Variants in SRPK2 observed in about 807,000 individuals in gnomAD.
The protein encoded by SRPK2 is SRSF protein kinase 2, also known as SFRS protein kinase 2.
In SRPK2, 21 loss-of-function variants were observed where a neutral mutation model predicts 90.8. That is an observed-to-expected ratio of 0.23 (90% CI 0.16 to 0.33). The LOEUF (loss-of-function observed/expected upper bound fraction) is 0.33. Among genes scored for constraint, SRPK2 ranks in the 10% least tolerant of loss-of-function variants. The pLI is 1.00. For synonymous variants in SRPK2, 288 were observed against 311.1 expected (o/e 0.93, Z 0.78); for missense variants, 620 against 869.0 (o/e 0.71, Z 3.60).
rs746321858 is a variant in SRPK2 at position 105,387,039 on chromosome 7, T to C, written c.71+1609A>G. 1.2e-4 allele frequency among the ~76,000 whole-genome samples: 19 copies of C among 152,202 alleles called. 1 individual carries two copies. The highest frequency in any genetic ancestry group is 2.4e-4 in the Non-Finnish European group (16 of 68,034). On this transcript the variant is annotated intron_variant, in intron 2 of 15. Transcript: ENST00000393651. ...GACCATTAGGAAAATCATACTCTAA[T>C]ATATGCAAATACAAGACACATATTG...
At chr7:105,258,343 G>A (rs1405722156) in intron 2 of SRPK2, among the ~76,000 whole-genome samples, 1 of 150,184 alleles carries the variant, frequency 6.7e-6, no homozygotes, top group African/African-American at 2.5e-5. Flanking sequence ...CTTGAACCCG[G>A]GAGGCAGAGG....
chr7:105,130,694 A>T (rs886807527), intron 13 of SRPK2, among the ~76,000 whole-genome samples: 6 of 151,928 alleles, frequency 3.9e-5, no homozygotes, highest in Admixed American at 2.0e-4. Flanking sequence ...CGATGAGGTA[A>T]GAAAAACTGC....
At chr7:105,133,455 T>C (rs931868118) in intron 11 of SRPK2, among the ~76,000 whole-genome samples, 1 of 152,162 alleles carries the variant, frequency 6.6e-6, no homozygotes, top group Admixed American at 6.5e-5. Flanking sequence ...AATCCATCCC[T>C]TCACGGCCCA....
At chr7:105,342,151 C>T (rs191363867) in intron 2 of SRPK2, among the ~76,000 whole-genome samples, 2 of 151,122 alleles carry the variant, frequency 1.3e-5, no homozygotes, top group East Asian at 2.0e-4. Flanking sequence ...TGTGAAACCC[C>T]GTCTCCACTA....
intron 2 of SRPK2, among the ~76,000 whole-genome samples, chr7:105,331,627 T>A (rs1339413682): frequency 6.6e-6 from 1 of 152,210 alleles, no homozygotes. Flanking sequence ...TCACACACTG[T>A]GCTTAGGCCC....
intron 2 of SRPK2, among the ~76,000 whole-genome samples, chr7:105,285,642 T>C (rs1263505892): frequency 6.6e-6 from 1 of 151,346 alleles, no homozygotes; most frequent in South Asian, 2.1e-4. Context: ...GTTCCCTTGG[T>C]GACAAGTGAG....
At chr7:105,130,075 A>G (rs916577967) in intron 13 of SRPK2, among the ~76,000 whole-genome samples, 3 of 152,204 alleles carry the variant, frequency 2.0e-5, no homozygotes, top group Admixed American at 1.3e-4. Context: ...GCTCAAAAAA[A>G]AAGTAAAACT....
At chr7:105,264,024 T>C (rs546324097) in intron 2 of SRPK2, among the ~76,000 whole-genome samples, 13 of 152,284 alleles carry the variant, frequency 8.5e-5, no homozygotes, top group Admixed American at 8.5e-4. Context: ...TTCCTAGTCT[T>C]TGCATTGCAA....
At chr7:105,372,185 T>C (rs1246131663) in intron 2 of SRPK2, among the ~76,000 whole-genome samples, 1 of 146,434 alleles carries the variant, frequency 6.8e-6, no homozygotes, top group African/African-American at 2.5e-5. Context: ...ACCATTTAAC[T>C]GATTCAAAAA....
chr7:105,140,126 A>G (rs771236185), intron 11 of SRPK2, among the ~76,000 whole-genome samples: 3 of 151,968 alleles, frequency 2.0e-5, no homozygotes, highest in Non-Finnish European at 4.4e-5. Flanking sequence ...ACAAGGGGGG[A>G]AAAATCTGTA....
At chr7:105,195,802 A>G (rs1189857906) in intron 3 of SRPK2, among the ~76,000 whole-genome samples, 2 of 152,108 alleles carry the variant, frequency 1.3e-5, no homozygotes, top group East Asian at 3.8e-4. Flanking sequence ...CACTTAGATG[A>G]AAAAAAAGAT....
intron 2 of SRPK2, among the ~76,000 whole-genome samples, chr7:105,220,643 C>G (rs912389839): frequency 2.0e-5 from 3 of 152,186 alleles, no homozygotes; most frequent in African/African-American, 7.2e-5. Context: ...GTCTTTCAAT[C>G]ATTTATTAGT....
At chr7:105,186,563 G>A (rs73186011) in intron 3 of SRPK2, among the ~76,000 whole-genome samples, 3,703 of 152,270 alleles carry the variant, frequency 0.024, 78 homozygotes, top group Middle Eastern at 0.1. Context: ...TCTTGTTGCT[G>A]TATTCTGACG....
At chr7:105,350,213 C>A (rs1406136048) in intron 2 of SRPK2, among the ~76,000 whole-genome samples, 1 of 148,594 alleles carries the variant, frequency 6.7e-6, no homozygotes, top group Admixed American at 6.8e-5. Context: ...TCACTGCAAC[C>A]TCCGCCTCCC....
At chr7:105,192,980 G>A (rs1227596812) in intron 3 of SRPK2, among the ~76,000 whole-genome samples, 3 of 151,968 alleles carry the variant, frequency 2.0e-5, no homozygotes, top group Non-Finnish European at 2.9e-5. Flanking sequence ...TTTCTCCTAC[G>A]CTTTCGGTTG....
At chr7:105,337,201 C>A (rs1162935058) in intron 2 of SRPK2, among the ~76,000 whole-genome samples, 1 of 151,964 alleles carries the variant, frequency 6.6e-6, no homozygotes, top group African/African-American at 2.4e-5. Flanking sequence ...TGAATTGTGT[C>A]CCCCCAAAAT....
chr7:105,224,482 G>A (rs989819211), intron 2 of SRPK2, among the ~76,000 whole-genome samples: 7 of 151,998 alleles, frequency 4.6e-5, no homozygotes, highest in East Asian at 3.9e-4. Context: ...GGTGGTGCAC[G>A]CCAGTAATCC....
At chr7:105,268,527 T>G (rs540142781) in intron 2 of SRPK2, among the ~76,000 whole-genome samples, 9 of 152,342 alleles carry the variant, frequency 5.9e-5, no homozygotes, top group Admixed American at 3.9e-4. Context: ...GCTAAATTAT[T>G]TTTAAAGCCT....
intron 3 of SRPK2, among the ~76,000 whole-genome samples, chr7:105,195,769 T>G (rs1794838566): frequency 6.6e-6 from 1 of 152,138 alleles, no homozygotes; most frequent in African/African-American, 2.4e-5. Flanking sequence ...TCTTCCCTTT[T>G]CTCACTTATT....
Sources: allele counts gnomAD v4.1 joint callset (sites outside exome capture counted in the v4.1 genomes callset), GRCh38; gene constraint gnomAD v4.1.1; transcripts MANE v1.5; gene names NCBI Gene and HGNC (gene_info 2026-07-23, HGNC 2026-07-21).